Variants in IL19 observed in about 807,000 individuals in gnomAD.
The protein encoded by IL19 is interleukin 19, also known as interleukin-19.
A neutral mutation model predicts 19.5 loss-of-function variants in IL19; 15 were observed. That is an observed-to-expected ratio of 0.77 (90% CI 0.52 to 1.19). The LOEUF (loss-of-function observed/expected upper bound fraction) is 1.19, where lower values mean the gene tolerates loss of function less well. IL19 is among the 50% of genes most tolerant of loss of function. IL19 has a pLI of 0.00. For missense variants in IL19, 199 were observed against 213.1 expected (o/e 0.93, Z 0.41); for synonymous variants, 78 against 78.3 (o/e 1.00, Z 0.02).
chr1:206,827,717 A>C (rs1341449026), intron 2 of IL19, among the ~76,000 whole-genome samples: 1 of 147,276 alleles, frequency 6.8e-6, no homozygotes, highest in Non-Finnish European at 1.5e-5. Context: ...AAACAAAAAA[A>C]ACAAAAAGAA....
chr1:206,821,445 C>T (rs1558617907), intron 2 of IL19, among the ~76,000 whole-genome samples: 2 of 152,224 alleles, frequency 1.3e-5, no homozygotes, highest in East Asian at 3.8e-4. Flanking sequence ...AGGTGTAGAG[C>T]TGTCTTTGCC....
At chr1:206,820,802 C>T (rs980906313) in intron 2 of IL19, among the ~76,000 whole-genome samples, 9 of 152,162 alleles carry the variant, frequency 5.9e-5, no homozygotes, top group Non-Finnish European at 8.8e-5. Flanking sequence ...GGCTTCCTGC[C>T]GCCTCCTCCC....
chr1:206,798,561 AG>A (rs1378635033), intron 1 of IL19, among the ~76,000 whole-genome samples: 1 of 151,642 alleles, frequency 6.6e-6, no homozygotes, highest in Non-Finnish European at 1.5e-5. Context: ...TTTTCTTAAA[AG>A]ACAGTTCTCC....
intron 2 of IL19, among the ~76,000 whole-genome samples, chr1:206,826,331 A>G (rs911261936): frequency 6.6e-6 from 1 of 152,132 alleles, no homozygotes; most frequent in Non-Finnish European, 1.5e-5. Flanking sequence ...GATTTAGACA[A>G]CCCAGGGCAG....
intron 1 of IL19, among the ~76,000 whole-genome samples, chr1:206,789,822 G>C (rs1488600480): frequency 6.6e-6 from 1 of 152,144 alleles, no homozygotes; most frequent in Non-Finnish European, 1.5e-5. Context: ...GTGAGAACAT[G>C]TGGCATTTGG....
intron 2 of IL19, among the ~76,000 whole-genome samples, chr1:206,808,529 A>ATGTG: frequency 7.8e-6 from 1 of 128,298 alleles, no homozygotes; most frequent in East Asian, 4.1e-4. Context: ...GTGTGTGCCC[A>ATGTG]TGTGCACGCA....
chr1:206,834,333 GC>G (rs1351907507), intron 2 of IL19: 3 of 985,474 alleles, frequency 3.0e-6, no homozygotes, highest in Non-Finnish European at 3.6e-6. Context: ...AAAATGACCA[GC>G]CCTTTCCAAA....
At chr1:206,837,248 G>A (rs971439314) in intron 4 of IL19, among the ~76,000 whole-genome samples, 1 of 152,136 alleles carries the variant, frequency 6.6e-6, no homozygotes, top group Non-Finnish European at 1.5e-5. Context: ...AGAGTGATTG[G>A]GGGTGCCAGG....
intron 2 of IL19, among the ~76,000 whole-genome samples, chr1:206,816,444 A>G (rs1397037401): frequency 6.6e-6 from 1 of 152,218 alleles, no homozygotes. Flanking sequence ...AATATATAGT[A>G]TGATTTGAAG....
chr1:206,809,142 G>A (rs1448983551), intron 2 of IL19, among the ~76,000 whole-genome samples: 2 of 152,186 alleles, frequency 1.3e-5, no homozygotes, highest in Non-Finnish European at 2.9e-5. Context: ...TCACCTAGGA[G>A]CTGTGAAGAG....
chr1:206,821,690 C>G (rs1676293816), intron 2 of IL19, among the ~76,000 whole-genome samples: 1 of 152,252 alleles, frequency 6.6e-6, no homozygotes, highest in South Asian at 2.1e-4. Context: ...CAGGGATCAC[C>G]ACCTGCCAGG....
chr1:206,798,841 C>T lies in IL19; in HGVS notation c.-148-20C>T. 7.5e-7 allele frequency: 1 copy of T among 1,340,672 alleles called. No individual in the cohort carries two copies. The highest frequency in any genetic ancestry group is 2.3e-5 in the East Asian group (1 of 42,968). 83.0% of individuals were successfully genotyped at this position (1,340,672 alleles called of 1,614,324 possible). ...AGTGTACCTTTTTGTAATGATGACT[C>T]TCTATGATTTTCTCCATAGAGCGGT... is the stretch of plus-strand genomic sequence containing the variant. On this transcript the variant is annotated intron_variant, in intron 1 of 6. Coordinates refer to ENST00000659997, the MANE Select transcript of IL19 (RefSeq NM_153758.5).
intron 2 of IL19, among the ~76,000 whole-genome samples, chr1:206,829,399 G>A (rs958896278): frequency 3.9e-5 from 6 of 152,268 alleles, no homozygotes; most frequent in African/African-American, 1.2e-4. Context: ...AGGAAAGGAA[G>A]AGGGGAGAAG....
Position 206,811,153 on chromosome 1 carries a change from C to T in IL19, c.-3+12147C>T, listed in dbSNP as rs185937675. Among the ~76,000 whole-genome samples, 423 of 152,270 alleles carry T rather than the reference C, an allele frequency of 2.8e-3. 2 individuals carry two copies. Among genetic ancestry groups the T allele is most frequent in the Non-Finnish European group, 3.8e-3 (256 of 68,012 alleles). ...CAGAAAGGGCATAGTGATAATCAAA[C>T]TGTTTTGAAACCTAGAGATTTTTAG... On this transcript the variant is annotated intron_variant, in intron 2 of 6. Transcript: ENST00000659997.
intron 1 of IL19, among the ~76,000 whole-genome samples, chr1:206,797,969 A>G (rs1262676286): frequency 6.6e-6 from 1 of 152,216 alleles, no homozygotes; most frequent in African/African-American, 2.4e-5. Flanking sequence ...CTAGTGGCAG[A>G]GCCGTGACTC....
intron 1 of IL19, among the ~76,000 whole-genome samples, chr1:206,781,721 G>A (rs1203262753): frequency 6.6e-6 from 1 of 151,500 alleles, no homozygotes; most frequent in Non-Finnish European, 1.5e-5. Flanking sequence ...GTGGGTGCGA[G>A]CAACTGCGTC....
At chr1:206,794,935 C>T (rs1248089692) in intron 1 of IL19, among the ~76,000 whole-genome samples, 1 of 152,196 alleles carries the variant, frequency 6.6e-6, no homozygotes, top group Non-Finnish European at 1.5e-5. Context: ...GGAAAAGGGT[C>T]AGTGAGTGCA....
At chr1:206,823,587 C>T (rs899306036) in intron 2 of IL19, among the ~76,000 whole-genome samples, 1 of 150,974 alleles carries the variant, frequency 6.6e-6, no homozygotes, top group African/African-American at 2.4e-5. Context: ...CAAGATTATT[C>T]CTGGATAGAA....
intron 2 of IL19, among the ~76,000 whole-genome samples, chr1:206,802,983 C>T (rs867714810): frequency 2.0e-5 from 3 of 152,186 alleles, no homozygotes; most frequent in South Asian, 2.1e-4. Context: ...GCGAGGGGGA[C>T]GTCATTTCCT....
Sources: allele counts gnomAD v4.1 joint callset (sites outside exome capture counted in the v4.1 genomes callset), GRCh38; gene constraint gnomAD v4.1.1; transcripts MANE v1.5; gene names NCBI Gene and HGNC (gene_info 2026-07-23, HGNC 2026-07-21).